Variants in LRMDA observed in about 807,000 individuals in gnomAD.
The protein encoded by LRMDA is leucine-rich melanocyte differentiation-associated protein.
LRMDA carries 18 observed loss-of-function variants against 29.8 expected under a neutral mutation model. That is an observed-to-expected ratio of 0.60 (90% CI 0.42 to 0.90). The LOEUF is 0.90. Among genes scored for constraint, LRMDA ranks in the 40% least tolerant of loss-of-function variants. The pLI, the probability that LRMDA is intolerant of heterozygous loss-of-function variation, is 0.00. For missense variants in LRMDA, 273 were observed against 273.9 expected (o/e 1.00, Z 0.02); for synonymous variants, 125 against 109.4 (o/e 1.14, Z -0.89).
chr10:75,942,162 G>A (rs1427816448), intron 2 of LRMDA, among the ~76,000 whole-genome samples: 9 of 152,032 alleles, frequency 5.9e-5, no homozygotes, highest in Non-Finnish European at 4.4e-5. Flanking sequence ...GCGACGTGCA[G>A]CCCCTTCAAG....
chr10:76,393,295 A>T (rs74784586), intron 6 of LRMDA, among the ~76,000 whole-genome samples: 2 of 152,118 alleles, frequency 1.3e-5, no homozygotes, highest in Admixed American at 6.5e-5. Context: ...GGTAATGTAC[A>T]TGGGTTCCCT....
At chr10:75,732,992 G>A (rs116530434) in intron 2 of LRMDA, among the ~76,000 whole-genome samples, 67 of 152,268 alleles carry the variant, frequency 4.4e-4, no homozygotes, top group African/African-American at 1.6e-3. Flanking sequence ...AAGGTTCATG[G>A]CTCCAAATTT....
chr10:75,431,785 G>T, intron 1 of LRMDA, 31 bp downstream of exon 1: 1 of 1,345,068 alleles, frequency 7.4e-7, no homozygotes. Context: ...CCTCCGCCCG[G>T]GGCGCAGTCC....
chr10:76,537,099 T>C (rs1223630565), intron 6 of LRMDA, among the ~76,000 whole-genome samples: 2 of 152,254 alleles, frequency 1.3e-5, no homozygotes, highest in Non-Finnish European at 2.9e-5. Flanking sequence ...TTTCCGATAT[T>C]CAAATAGTGC....
intron 5 of LRMDA, among the ~76,000 whole-genome samples, chr10:76,299,202 C>T (rs372708906): frequency 3.7e-4 from 55 of 149,010 alleles, no homozygotes; most frequent in African/African-American, 1.1e-3. Context: ...TGCACGCACG[C>T]GCAATATGTT....
Position 75,981,698 on chromosome 10 carries a change from G to A in LRMDA, c.132-54310G>A, listed in dbSNP as rs118113054. 5.6e-3 allele frequency among the ~76,000 whole-genome samples: 854 copies of A among 152,012 alleles called. 41 individuals carry two copies. In the East Asian group the frequency reaches 0.13, roughly 23 times the overall value. ...GAAACCCCAGCTCTACTAAAAATAC[G>A]AACATTAGCTGGGAATGGTGGTGGG... On this transcript the variant is annotated intron_variant, in intron 2 of 6. Transcript: ENST00000611255.
chr10:76,046,000 G>A (rs1007041787), intron 3 of LRMDA, among the ~76,000 whole-genome samples: 1 of 152,208 alleles, frequency 6.6e-6, no homozygotes, highest in Non-Finnish European at 1.5e-5. Flanking sequence ...CTAGGTTCAA[G>A]TGGACCCCAC....
At chr10:76,069,877 C>A (rs1848848221) in intron 5 of LRMDA, among the ~76,000 whole-genome samples, 1 of 152,026 alleles carries the variant, frequency 6.6e-6, no homozygotes, top group African/African-American at 2.4e-5. Context: ...GGTTTTAAGT[C>A]TGAATTTATT....
In LRMDA at chr10:75,544,011, C is replaced by T. The variant is rs142135838; in HGVS notation, c.131+105517C>T. Among the ~76,000 whole-genome samples, 326 of 152,242 alleles carry T rather than the reference C, an allele frequency of 2.1e-3. 8 individuals carry two copies. The East Asian group carries it at 0.05, about 23-fold the overall frequency. On this transcript the variant is annotated intron_variant, in intron 2 of 6. Coordinates refer to ENST00000611255, the MANE Select transcript of LRMDA (RefSeq NM_001305581.2). ...GGTCCCTCACCCCACCTGTGTCCATCGTTTCACACCAAGAACCAACTTCAA... is the reference window on the plus strand; with the variant it reads ...GGTCCCTCACCCCACCTGTGTCCATTGTTTCACACCAAGAACCAACTTCAA...
intron 5 of LRMDA, among the ~76,000 whole-genome samples, chr10:76,104,123 T>C (rs1172546995): frequency 6.6e-6 from 1 of 151,896 alleles, no homozygotes; most frequent in Non-Finnish European, 1.5e-5. Flanking sequence ...TGCCAGCTTT[T>C]GTGTGTGTTT....
intron 3 of LRMDA, among the ~76,000 whole-genome samples, chr10:76,042,783 G>A (rs996668942): frequency 6.6e-6 from 1 of 152,026 alleles, no homozygotes; most frequent in African/African-American, 2.4e-5. Context: ...ATGGTTGATC[G>A]AAAATTGATT....
intron 6 of LRMDA, among the ~76,000 whole-genome samples, chr10:76,465,697 G>T (rs990829455): frequency 6.6e-6 from 1 of 152,082 alleles, no homozygotes; most frequent in Non-Finnish European, 1.5e-5. Flanking sequence ...AATGCCACTC[G>T]CTGGGTGACT....
At chr10:76,201,200 G>A (rs747145275) in intron 5 of LRMDA, among the ~76,000 whole-genome samples, 9 of 150,484 alleles carry the variant, frequency 6.0e-5, no homozygotes, top group Non-Finnish European at 7.4e-5. Flanking sequence ...GGGTACAAGC[G>A]ATTCTCCTGC....
At chr10:75,631,092 C>G (rs929408256) in intron 2 of LRMDA, among the ~76,000 whole-genome samples, 1 of 152,172 alleles carries the variant, frequency 6.6e-6, no homozygotes, top group African/African-American at 2.4e-5. Flanking sequence ...CTTGCCTTTA[C>G]CTTGTGACTT....
chr10:75,600,237 A>C (rs898351582), intron 2 of LRMDA, among the ~76,000 whole-genome samples: 1 of 152,096 alleles, frequency 6.6e-6, no homozygotes, highest in Non-Finnish European at 1.5e-5. Context: ...TTTCCACAGC[A>C]TTCTTTGTCT....
At chr10:75,985,993 G>A (rs1355774144) in intron 2 of LRMDA, among the ~76,000 whole-genome samples, 2 of 152,202 alleles carry the variant, frequency 1.3e-5, no homozygotes, top group East Asian at 1.9e-4. Flanking sequence ...TGGTCAAGAT[G>A]TTTTCTAGAC....
At chr10:75,746,444 C>T (rs998684476) in intron 2 of LRMDA, among the ~76,000 whole-genome samples, 3 of 152,212 alleles carry the variant, frequency 2.0e-5, no homozygotes, top group Admixed American at 6.5e-5. Flanking sequence ...ATCAGAACTT[C>T]TAGTTCAGGA....
chr10:75,524,718 A>C (rs1379899585), intron 2 of LRMDA, among the ~76,000 whole-genome samples: 1 of 152,206 alleles, frequency 6.6e-6, no homozygotes, highest in African/African-American at 2.4e-5. Context: ...AGAAAGATGA[A>C]TAAACAGGAA....
chr10:76,477,637 C>A (rs1842689387), intron 6 of LRMDA, among the ~76,000 whole-genome samples: 1 of 152,152 alleles, frequency 6.6e-6, no homozygotes, highest in Admixed American at 6.6e-5. Flanking sequence ...CATCACACTA[C>A]CTGACTTCAA....
Sources: gnomAD v4.1 joint callset for allele counts (sites outside exome capture counted in the v4.1 genomes callset) on GRCh38, gnomAD v4.1.1 for gene constraint, MANE v1.5 for transcripts, NCBI Gene and HGNC (gene_info 2026-07-23, HGNC 2026-07-21) for gene names.